LRP1B: variants seen among roughly 807,000 people sequenced by gnomAD.
LRP1B encodes low-density lipoprotein receptor-related protein 1B.
LRP1B carries 217 observed loss-of-function variants against 556.6 expected under a neutral mutation model. The observed-to-expected ratio is 0.39, with a 90% confidence interval of 0.35 to 0.44. LRP1B has a LOEUF of 0.44. LRP1B is among the 20% of genes least tolerant of loss of function. The pLI is 1.00. For missense variants in LRP1B, 5,053 were observed against 5,620.8 expected, an observed-to-expected ratio of 0.90 and a Z score of 3.23; for synonymous variants, 2,047 against 1,865.8, an observed-to-expected ratio of 1.10 and a Z score of -2.50.
At chr2:140,345,809 CAT>C (rs1177378557) in intron 77 of LRP1B, among the ~76,000 whole-genome samples, 8 of 137,764 alleles carry the variant, frequency 5.8e-5, no homozygotes, top group East Asian at 2.0e-4. Flanking sequence ...CATATATACA[CAT>C]ATATATACAT....
intron 83 of LRP1B, 104 bp from the exon 84 acceptor site, chr2:140,298,073 A>G (rs1310371856): frequency 2.8e-6 from 3 of 1,055,280 alleles, no homozygotes; most frequent in Non-Finnish European, 4.1e-6. Flanking sequence ...TTTCTGGTCA[A>G]GGTCTGTCCA....
chr2:141,588,064 T>A (rs1318713417), intron 2 of LRP1B, among the ~76,000 whole-genome samples: 1 of 152,126 alleles, frequency 6.6e-6, no homozygotes, highest in African/African-American at 2.4e-5. Context: ...ATCTTGGAGT[T>A]TTGCCATGTA....
chr2:140,314,976 T>C lies in LRP1B; in HGVS notation c.12764A>G (p.Asn4255Ser), dbSNP rs2105036383. 1.2e-6 allele frequency: 2 copies of C among 1,610,898 alleles called. No individual in the cohort carries two copies. Among genetic ancestry groups the C allele is most frequent in the Non-Finnish European group, 1.7e-6 (2 of 1,178,314 alleles). ...GCAAGTTCCTCCATTCTGGCAGTAGTTGCTACAGTGGTTGACTTCACATCT... is the reference window on the plus strand; with the variant it reads ...GCAAGTTCCTCCATTCTGGCAGTAGCTGCTACAGTGGTTGACTTCACATCT... ...GERCEVNHCSNYCQNGGTCVP... is the reference protein window; with the variant it reads ...GERCEVNHCSSYCQNGGTCVP... The change falls in exon 83 of 91, where the codon AAC becomes AGC. Residue 4255 changes from asparagine to serine, a missense_variant. Transcript: ENST00000389484.
chr2:140,805,404 A>G (rs1207100425), intron 32 of LRP1B, among the ~76,000 whole-genome samples: 1 of 152,166 alleles, frequency 6.6e-6, no homozygotes, highest in Non-Finnish European at 1.5e-5. Context: ...AGCCAATTGC[A>G]AGTGATTCTA....
chr2:140,517,416 A>C (rs1314364525), intron 49 of LRP1B, among the ~76,000 whole-genome samples: 1 of 152,160 alleles, frequency 6.6e-6, no homozygotes, highest in Non-Finnish European at 1.5e-5. Flanking sequence ...TCATAGCACA[A>C]AATAATAAAA....
At chr2:142,120,115 T>TC (rs57762000) in intron 1 of LRP1B, among the ~76,000 whole-genome samples, 1 of 151,918 alleles carries the variant, frequency 6.6e-6, no homozygotes, top group African/African-American at 2.4e-5. Flanking sequence ...CTACAGGTTT[T>TC]TTTGTTTGTT....
chr2:140,301,549 A>G (rs1285005775), intron 83 of LRP1B, among the ~76,000 whole-genome samples: 10 of 152,132 alleles, frequency 6.6e-5, no homozygotes, highest in Non-Finnish European at 1.5e-4. Context: ...ATATTCAATC[A>G]TAAAAATCAC....
intron 43 of LRP1B, among the ~76,000 whole-genome samples, chr2:140,552,691 A>G (rs771164437): frequency 6.6e-6 from 1 of 152,176 alleles, no homozygotes; most frequent in Non-Finnish European, 1.5e-5. Flanking sequence ...GCACTCTACC[A>G]TGCTATATGG....
intron 41 of LRP1B, among the ~76,000 whole-genome samples, chr2:140,609,703 A>G (rs1225424400): frequency 6.6e-6 from 1 of 152,114 alleles, no homozygotes; most frequent in Admixed American, 6.5e-5. Flanking sequence ...AATGCTTTTA[A>G]TTTTATGCCA....
chr2:140,887,680 TA>T (rs1189657126), intron 23 of LRP1B, among the ~76,000 whole-genome samples: 1 of 152,036 alleles, frequency 6.6e-6, no homozygotes, highest in African/African-American at 2.4e-5. Context: ...AACTGATGAA[TA>T]AAAAAATGCT....
At chr2:141,413,360 T>C (rs1690927984) in intron 3 of LRP1B, among the ~76,000 whole-genome samples, 1 of 152,074 alleles carries the variant, frequency 6.6e-6, no homozygotes, top group Admixed American at 6.5e-5. Context: ...GGGATAATGG[T>C]CAGAGAGATG....
chr2:140,913,873 G>A (rs1043666039), intron 21 of LRP1B, among the ~76,000 whole-genome samples: 4 of 151,940 alleles, frequency 2.6e-5, no homozygotes, highest in African/African-American at 4.8e-5. Context: ...TGAACATAAC[G>A]CAGTTTTACA....
chr2:142,126,917 G>A (rs1251374027), intron 1 of LRP1B, among the ~76,000 whole-genome samples: 1 of 151,808 alleles, frequency 6.6e-6, no homozygotes, highest in African/African-American at 2.4e-5. Flanking sequence ...AAAAGAAATT[G>A]ACAAGGTAAC....
At chr2:140,725,701 A>T (rs1254251621) in intron 35 of LRP1B, among the ~76,000 whole-genome samples, 1 of 151,834 alleles carries the variant, frequency 6.6e-6, no homozygotes, top group Non-Finnish European at 1.5e-5. Flanking sequence ...AAAAATAAAT[A>T]AAAAAATAAA....
At chr2:141,794,360 C>A (rs1269187625) in intron 2 of LRP1B, among the ~76,000 whole-genome samples, 1 of 151,870 alleles carries the variant, frequency 6.6e-6, no homozygotes, top group African/African-American at 2.4e-5. Context: ...CTAAATCCCT[C>A]TTACAAATCA....
intron 2 of LRP1B, among the ~76,000 whole-genome samples, chr2:141,484,449 C>A (rs1007997946): frequency 3.3e-5 from 5 of 151,700 alleles, no homozygotes; most frequent in Admixed American, 2.6e-4. Flanking sequence ...GATGTGGGTT[C>A]TTTTTTGGTT....
chr2:141,497,112 C>G (rs965600782), intron 2 of LRP1B, among the ~76,000 whole-genome samples: 9 of 152,068 alleles, frequency 5.9e-5, no homozygotes, highest in African/African-American at 2.2e-4. Flanking sequence ...TGCAATTTCT[C>G]ATATATTATA....
At chr2:140,971,406 G>A (rs113277368) in intron 18 of LRP1B, among the ~76,000 whole-genome samples, 3,542 of 152,238 alleles carry the variant, frequency 0.023, 69 homozygotes, top group Non-Finnish European at 0.032. Context: ...TGGACTTTTG[G>A]CCTCCAGAAC....
intron 2 of LRP1B, among the ~76,000 whole-genome samples, chr2:141,723,808 G>A (rs973490375): frequency 3.6e-4 from 54 of 151,168 alleles, no homozygotes; most frequent in African/African-American, 1.3e-3. Flanking sequence ...ATCATCACCA[G>A]GCCATTTCAG....
Sources: gnomAD v4.1 joint callset for allele counts (sites outside exome capture counted in the v4.1 genomes callset) on GRCh38, gnomAD v4.1.1 for gene constraint, MANE v1.5 for transcripts, NCBI Gene and HGNC (gene_info 2026-07-23, HGNC 2026-07-21) for gene names.